ARSF: variants seen among roughly 807,000 people sequenced by gnomAD.
ARSF encodes the protein arylsulfatase F.
A neutral mutation model predicts 35.4 loss-of-function variants in ARSF; 33 were observed. The observed-to-expected ratio is 0.93, with a 90% CI of 0.71 to 1.25. ARSF has a LOEUF of 1.25. ARSF is among the 50% of genes most tolerant of loss of function. The probability of loss-of-function intolerance (pLI) is 0.00; values close to 1 mark genes in which losing one functional copy is unlikely to be tolerated. For missense variants in ARSF, 501 were observed against 480.2 expected, an observed-to-expected ratio of 1.04 and a Z score of -0.40; for synonymous variants, 222 against 193.1, an observed-to-expected ratio of 1.15 and a Z score of -1.24.
In ARSF at chrX:3,112,544, C is replaced by G; in HGVS notation, c.1761C>G (p.Asn587Lys). The G allele has an allele frequency of 8.3e-7, 1 of 1,201,435 alleles. No homozygotes were observed. The change falls in exon 11 of 11, where the codon AAC becomes AAG. Residue 587 changes from asparagine to lysine, a missense_variant. Physicochemically the swap from Asn to Lys is moderately conservative, Grantham distance 94. Transcript: ENST00000381127. The part of the protein sequence containing the change: ...EEEVSQPRGP[N>K]EKR The stretch of plus-strand genomic sequence containing the variant: ...AAGTCTCTCAGCCTCGGGGTCCTAA[C>G]GAGAAGAGATAATTACAATCAGGCT...
chrX:3,045,218 T>C (rs1301558047), intron 1 of ARSF, among the ~76,000 whole-genome samples: 2 of 111,914 alleles, frequency 1.8e-5, no homozygotes, highest in East Asian at 2.8e-4. Context: ...CACATGGTAA[T>C]GAAGTGGCAT....
At chrX:3,058,707 A>G in intron 1 of ARSF, 3 of 290,806 alleles carry the variant, frequency 1.0e-5, no homozygotes, top group South Asian at 3.3e-5. Flanking sequence ...TAGAAAATAA[A>G]GAAATTACCC....
intron 1 of ARSF, among the ~76,000 whole-genome samples, chrX:3,044,994 G>C (rs1288441349): frequency 1.8e-5 from 2 of 110,844 alleles, no homozygotes; most frequent in East Asian, 5.7e-4. Context: ...GGGTTACTGG[G>C]AGTTGGAATA....
At chrX:3,072,276 G>T in intron 3 of ARSF, 101 bp downstream of exon 3, 1 of 887,898 alleles carries the variant, frequency 1.1e-6, no homozygotes, top group East Asian at 3.4e-5. Flanking sequence ...GTATTTGTTG[G>T]GACTTTTTTT....
At chrX:3,058,451 C>A (rs991546668) in intron 1 of ARSF, 4 of 234,606 alleles carry the variant, frequency 1.7e-5, no homozygotes, top group Non-Finnish European at 3.3e-5. Flanking sequence ...AACTTCTGGG[C>A]CGAAGCGATC....
At chrX:3,098,047 A>AACACAC (rs3032523) in intron 7 of ARSF, among the ~76,000 whole-genome samples, 18,747 of 87,820 alleles carry the variant, frequency 0.21, 1,656 homozygotes, top group Middle Eastern at 0.31. Context: ...ATACACACAC[A>AACACAC]ACACACACAC....
chrX:3,047,412 T>C (rs1472862012), intron 1 of ARSF, among the ~76,000 whole-genome samples: 1 of 110,987 alleles, frequency 9.0e-6, no homozygotes, highest in Non-Finnish European at 1.9e-5. Flanking sequence ...ACTCCTGACC[T>C]CAGGTGATCT....
chrX:3,045,497 T>TA (rs888804772), intron 1 of ARSF, among the ~76,000 whole-genome samples: 1 of 110,359 alleles, frequency 9.1e-6, no homozygotes, highest in Non-Finnish European at 1.9e-5. Flanking sequence ...ATAGGGCATG[T>TA]AAAGCTGGTT....
At chrX:3,080,241 C>A (rs773036857) in intron 4 of ARSF, among the ~76,000 whole-genome samples, 2 of 79,415 alleles carry the variant, frequency 2.5e-5, no homozygotes, top group African/African-American at 9.2e-5. Context: ...TTTGGGAGGC[C>A]AAGGCGGGCA....
At chrX:3,082,509 T>C (rs994307615) in intron 5 of ARSF, among the ~76,000 whole-genome samples, 1 of 111,690 alleles carries the variant, frequency 9.0e-6, no homozygotes, top group Non-Finnish European at 1.9e-5. Flanking sequence ...CACTCATTCA[T>C]CTATCATGTA....
At chrX:3,054,696 G>A (rs1316837677) in intron 1 of ARSF, among the ~76,000 whole-genome samples, 1 of 109,269 alleles carries the variant, frequency 9.2e-6, no homozygotes, top group Non-Finnish European at 1.9e-5. Flanking sequence ...AGATAAGGTG[G>A]AAATAAATCC....
intron 2 of ARSF, among the ~76,000 whole-genome samples, chrX:3,070,813 G>A (rs1451982908): frequency 9.0e-6 from 1 of 111,152 alleles, no homozygotes; most frequent in Non-Finnish European, 1.9e-5. Context: ...ACTTATGAGT[G>A]AGAACATACA....
At chrX:3,104,750 A>G (rs962489088) in intron 9 of ARSF, among the ~76,000 whole-genome samples, 1 of 112,050 alleles carries the variant, frequency 8.9e-6, no homozygotes, top group Non-Finnish European at 1.9e-5. Context: ...ATACTAATCT[A>G]ATGCGGACCA....
At chrX:3,078,724 T>A (rs750193233) in intron 4 of ARSF, among the ~76,000 whole-genome samples, 6 of 111,395 alleles carry the variant, frequency 5.4e-5, no homozygotes, top group Admixed American at 9.6e-5. Flanking sequence ...GGTCTTGAAT[T>A]CCTGAGCTCA....
At chrX:3,108,526 G>A (rs2090424216) in intron 9 of ARSF, among the ~76,000 whole-genome samples, 1 of 111,345 alleles carries the variant, frequency 9.0e-6, no homozygotes, top group African/African-American at 3.3e-5. Context: ...AATACTTCAT[G>A]CTTTCTCATG....
At chrX:3,063,040 G>A (rs1432057742) in intron 1 of ARSF, among the ~76,000 whole-genome samples, 6 of 111,769 alleles carry the variant, frequency 5.4e-5, no homozygotes, top group Non-Finnish European at 1.1e-4. Context: ...ATGAACATCA[G>A]TGCAAAAATC....
intron 7 of ARSF, among the ~76,000 whole-genome samples, chrX:3,094,224 G>A (rs1254753627): frequency 2.7e-5 from 3 of 111,598 alleles, no homozygotes; most frequent in African/African-American, 9.8e-5. Context: ...GGCCTTTGGT[G>A]GCTGCTCCTG....
At chrX:3,091,381 T>C (rs1246821318) in intron 7 of ARSF, among the ~76,000 whole-genome samples, 1 of 112,531 alleles carries the variant, frequency 8.9e-6, no homozygotes, top group Non-Finnish European at 1.9e-5. Flanking sequence ...GAGAGAACAA[T>C]GTAAATGGGA....
intron 9 of ARSF, among the ~76,000 whole-genome samples, chrX:3,108,264 A>T (rs1190998828): frequency 3.6e-5 from 4 of 112,060 alleles, no homozygotes; most frequent in Admixed American, 9.5e-5. Context: ...TCTTCAAAAA[A>T]TTTTAAACCA....
Sources: gnomAD v4.1 joint callset for allele counts (sites outside exome capture counted in the v4.1 genomes callset) on GRCh38, gnomAD v4.1.1 for gene constraint, MANE v1.5 for transcripts, NCBI Gene and HGNC (gene_info 2026-07-23, HGNC 2026-07-21) for gene names.